The following TEX26 variants were observed in gnomAD, a reference collection of about 807,000 sequenced individuals.
TEX26 encodes the protein testis-expressed protein 26.
Under a neutral mutation model 35.3 loss-of-function variants are expected in TEX26, and 34 were observed. That is an observed-to-expected ratio of 0.96 (90% CI 0.73 to 1.28). TEX26 has a LOEUF of 1.28. Among genes scored for constraint, TEX26 ranks in the 50% most tolerant of loss-of-function variants. The probability of loss-of-function intolerance (pLI) is 0.00; values close to 1 mark genes in which losing one functional copy is unlikely to be tolerated. For synonymous variants in TEX26, 136 were observed against 111.8 expected (o/e 1.22, Z -1.36); for missense variants, 371 against 330.1 (o/e 1.12, Z -0.96).
intron 4 of TEX26, among the ~76,000 whole-genome samples, chr13:30,963,708 G>A (rs952037966): frequency 6.6e-6 from 1 of 152,200 alleles, no homozygotes; most frequent in Admixed American, 6.5e-5. Context: ...GATCAATGAA[G>A]AGTGAGACTC....
At chr13:30,969,106 G>A in intron 6 of TEX26, 60 bp downstream of exon 6, 6 of 1,432,530 alleles carry the variant, frequency 4.2e-6, no homozygotes, top group East Asian at 2.4e-5. Context: ...TTGCCAAATA[G>A]AAACTGTTCC....
At chr13:30,934,692 T>C (rs900380810) in intron 1 of TEX26, among the ~76,000 whole-genome samples, 4 of 152,258 alleles carry the variant, frequency 2.6e-5, no homozygotes, top group Middle Eastern at 3.4e-3. Flanking sequence ...CAACACTCCA[T>C]GGAGCCCGTG....
intron 4 of TEX26, among the ~76,000 whole-genome samples, chr13:30,958,549 C>T (rs1188056229): frequency 6.6e-6 from 1 of 152,096 alleles, no homozygotes; most frequent in Non-Finnish European, 1.5e-5. Context: ...GCTGAGGGCC[C>T]CTGTTCACCC....
chr13:30,938,168 C>G (rs1017093783), intron 1 of TEX26, among the ~76,000 whole-genome samples: 4 of 152,036 alleles, frequency 2.6e-5, no homozygotes, highest in Admixed American at 2.6e-4. Flanking sequence ...TATAAAGCAG[C>G]AGGTAACCAC....
chr13:30,964,732 A>T (rs190302469), intron 4 of TEX26, among the ~76,000 whole-genome samples: 1 of 152,340 alleles, frequency 6.6e-6, no homozygotes, highest in East Asian at 1.9e-4. Flanking sequence ...GCACCTTGCA[A>T]GAGCCTTCTT....
At chr13:30,960,601 A>G (rs766214206) in intron 4 of TEX26, among the ~76,000 whole-genome samples, 5 of 152,150 alleles carry the variant, frequency 3.3e-5, no homozygotes, top group East Asian at 1.9e-4. Context: ...CAGGTCTCAT[A>G]TTTTTAATTT....
chr13:30,966,475 T>C (rs1483313800), intron 5 of TEX26, 77 bp downstream of exon 5: 1 of 1,352,984 alleles, frequency 7.4e-7, no homozygotes, highest in Non-Finnish European at 9.8e-7. Flanking sequence ...TTCCCTCTTG[T>C]CGCCCAGGCT....
chr13:30,952,835 T>C lies in TEX26; in HGVS notation c.312+10T>C. On this transcript the variant is annotated intron_variant, in intron 3 of 6. Coordinates refer to ENST00000380473, the MANE Select transcript of TEX26 (RefSeq NM_152325.3). ...ATCTCATCTCAATGAAGTAAGATAA[T>C]ATCTACATATGTGTTGAATTTAATA... 6.2e-7 allele frequency: 1 copy of C among 1,609,478 alleles called. No individual in the cohort carries two copies. The highest frequency in any genetic ancestry group is 8.5e-7 in the Non-Finnish European group (1 of 1,177,274).
intron 4 of TEX26, among the ~76,000 whole-genome samples, chr13:30,960,359 T>C (rs772604117): frequency 6.6e-6 from 1 of 152,126 alleles, no homozygotes; most frequent in Non-Finnish European, 1.5e-5. Context: ...TCTCATGCCT[T>C]AGCCTCCTGA....
intron 3 of TEX26, among the ~76,000 whole-genome samples, chr13:30,953,608 C>A (rs1474228990): frequency 6.6e-6 from 1 of 152,208 alleles, no homozygotes; most frequent in African/African-American, 2.4e-5. Flanking sequence ...GCTCTCAAAC[C>A]TCCATTTTTT....
Position 30,939,711 on chromosome 13 carries a change from G to A in TEX26, c.79G>A (p.Asp27Asn), listed in dbSNP as rs1175930398. 14 of 1,614,026 alleles carry A rather than the reference G, an allele frequency of 8.7e-6. No individual in the cohort carries two copies. Among genetic ancestry groups the A allele is most frequent in the Non-Finnish European group, 1.1e-5 (13 of 1,179,920 alleles). ...NLQPTDDPNW[D>N]SYATTMRTAF... ...ACTTTTAGCAGATGACCCCAACTGG[G>A]ATTCCTATGCTACCACTATGAGGAC... The change falls in exon 2 of 7, where the codon GAT (aspartate) becomes AAT (asparagine). Residue 27 changes from aspartate to asparagine, a missense_variant. Transcript: ENST00000380473.
chr13:30,966,432 C>CTTTTTTTTTTTTTTTTTTTTTTTTTTTTT (rs10523710), intron 5 of TEX26, 34 bp downstream of exon 5: 1 of 847,872 alleles, frequency 1.2e-6, no homozygotes, highest in Non-Finnish European at 1.5e-6. Context: ...TTCTTTTTCT[C>CTTTTTTTTTTTTTTTTTTTTTTTTTTTTT]TTTTTTTTTT....
intron 2 of TEX26, among the ~76,000 whole-genome samples, chr13:30,948,200 A>T (rs1953787510): frequency 6.6e-6 from 1 of 152,172 alleles, no homozygotes. Context: ...CAATAAACAT[A>T]CGTGTGCATG....
intron 4 of TEX26, among the ~76,000 whole-genome samples, chr13:30,962,446 C>T (rs1954381215): frequency 6.6e-6 from 1 of 152,186 alleles, no homozygotes. Flanking sequence ...GGTCTCCCTT[C>T]CTTCTCAGCC....
intron 4 of TEX26, among the ~76,000 whole-genome samples, chr13:30,961,573 T>C (rs758979389): frequency 1.6e-4 from 25 of 152,206 alleles, no homozygotes; most frequent in Non-Finnish European, 3.2e-4. Context: ...TAATCTACGA[T>C]CATTTTGCTG....
intron 4 of TEX26, among the ~76,000 whole-genome samples, chr13:30,965,099 T>C (rs1216318596): frequency 1.3e-5 from 2 of 152,166 alleles, no homozygotes; most frequent in African/African-American, 2.4e-5. Flanking sequence ...CTATAACCTG[T>C]CTTCTGTATG....
At chr13:30,965,953 C>T (rs1954510401) in intron 4 of TEX26, among the ~76,000 whole-genome samples, 1 of 152,226 alleles carries the variant, frequency 6.6e-6, no homozygotes, top group Non-Finnish European at 1.5e-5. Flanking sequence ...CTGACACCCA[C>T]CTCTGCCCCA....
chr13:30,970,458 G>A (rs933425597), intron 6 of TEX26, among the ~76,000 whole-genome samples: 1 of 152,100 alleles, frequency 6.6e-6, no homozygotes, highest in Non-Finnish European at 1.5e-5. Context: ...GGCTCCTAAG[G>A]CTCTGCTGGC....
intron 4 of TEX26, among the ~76,000 whole-genome samples, chr13:30,965,825 G>A (rs1250079732): frequency 6.6e-6 from 1 of 151,950 alleles, no homozygotes; most frequent in Admixed American, 6.6e-5. Context: ...AGTTAAATTT[G>A]AATAATGATA....
Sources: allele counts gnomAD v4.1 joint callset (sites outside exome capture counted in the v4.1 genomes callset), GRCh38; gene constraint gnomAD v4.1.1; transcripts MANE v1.5; gene names NCBI Gene and HGNC (gene_info 2026-07-23, HGNC 2026-07-21).